Variants in SUSD1 observed in about 807,000 individuals in gnomAD.
The protein encoded by SUSD1 is sushi domain-containing protein 1.
SUSD1 carries 65 observed loss-of-function variants against 86.9 expected under a neutral mutation model. That is an observed-to-expected ratio of 0.75 (90% CI 0.61 to 0.92). SUSD1 has a LOEUF of 0.92. Among genes scored for constraint, SUSD1 ranks in the 40% least tolerant of loss-of-function variants. The pLI, the probability that SUSD1 is intolerant of heterozygous loss-of-function variation, is 0.00. For synonymous variants in SUSD1, 346 were observed against 350.0 expected (o/e 0.99, Z 0.13); for missense variants, 850 against 929.7 (o/e 0.91, Z 1.11).
At chr9:112,071,104 C>G (rs923920147) in intron 12 of SUSD1, among the ~76,000 whole-genome samples, 2 of 152,098 alleles carry the variant, frequency 1.3e-5, no homozygotes, top group African/African-American at 4.8e-5. Context: ...CTCTCCTCAG[C>G]CTCCTAGAGC....
intron 15 of SUSD1, chr9:112,052,052 G>T: frequency 2.1e-6 from 2 of 942,334 alleles, no homozygotes; most frequent in Non-Finnish European, 2.8e-6. Context: ...GCGGGAGCTT[G>T]CCATCACTCC....
chr9:112,122,455 C>G (rs555916417), intron 6 of SUSD1, among the ~76,000 whole-genome samples: 1 of 151,968 alleles, frequency 6.6e-6, no homozygotes, highest in Non-Finnish European at 1.5e-5. Context: ...CCACTGCACC[C>G]GGCTAATTTT....
chr9:112,142,368 T>C lies in SUSD1; in HGVS notation c.658A>G (p.Ser220Gly). The change falls in exon 5 of 17, where the codon AGC becomes GGC. Residue 220 changes from serine to glycine, a missense_variant. By Grantham distance (56) the Ser-to-Gly change is moderately conservative. Coordinates refer to ENST00000374270, the MANE Select transcript of SUSD1 (RefSeq NM_022486.5). ...TCCCATGTGCCCAGGCCTGTGCAGC[T>C]TGAAACTGTATCTTCTGGAACACTG... The part of the protein sequence containing the change: ...FFSVPEDTVS[S>G]CTGLGTWESP... 1.9e-6 allele frequency: 3 copies of C among 1,614,072 alleles called. No homozygotes were observed. The highest frequency in any genetic ancestry group is 2.5e-6 in the Non-Finnish European group (3 of 1,179,986).
chr9:112,165,949 G>GAA (rs1418229038), intron 1 of SUSD1, among the ~76,000 whole-genome samples: 1 of 142,328 alleles, frequency 7.0e-6, no homozygotes, highest in Non-Finnish European at 1.5e-5. Context: ...AAAGAAGAAA[G>GAA]AAAGAAAGAA....
At chr9:112,137,148 T>G (rs1230490359) in intron 5 of SUSD1, among the ~76,000 whole-genome samples, 1 of 152,118 alleles carries the variant, frequency 6.6e-6, no homozygotes, top group African/African-American at 2.4e-5. Flanking sequence ...TTACACACCT[T>G]AAAGAGCTGG....
chr9:112,095,834 C>T (rs1055583561), intron 10 of SUSD1, among the ~76,000 whole-genome samples: 2 of 152,098 alleles, frequency 1.3e-5, no homozygotes, highest in African/African-American at 4.8e-5. Flanking sequence ...GGGTGTCCTG[C>T]CCAGAAAGAA....
chr9:112,051,284 A>G (rs1828180390), intron 15 of SUSD1, among the ~76,000 whole-genome samples: 2 of 152,090 alleles, frequency 1.3e-5, no homozygotes, highest in Non-Finnish European at 2.9e-5. Context: ...TGCTATCCCC[A>G]GGATTCCTGG....
At position 112,175,107 on chromosome 9, in the gene SUSD1, C is replaced by G; in HGVS notation, c.103+26G>C. ...CCCAGCCGGGGGCCCCGCCGGCCGC[C>G]CGTGCCCGTCCCAGCCCGCACTCAC... On this transcript the variant is annotated intron_variant, in intron 1 of 16. Transcript: ENST00000374270. The surrounding 1 kb of genome is among the most constrained non-coding windows in gnomAD (Gnocchi z 4.7). 3.0e-6 allele frequency: 3 copies of G among 1,015,732 alleles called. No homozygotes were observed. The highest frequency in any genetic ancestry group is 3.5e-5 in the African/African-American group (2 of 57,518). The allele number at this position is 1,015,732 out of a possible 1,614,324, so 62.9% of individuals were successfully genotyped here. A position where few individuals can be genotyped will look rare whatever the true frequency, so the allele number is the denominator to read the frequency against.
chr9:112,080,934 G>A lies in SUSD1; in HGVS notation c.1475-769C>T, dbSNP rs553803467. ...GTTTTTCATGAGGAAAAGAATAGGAGGTGGCGGGATTCTCTTGGTTTGGGC... is the reference window on the plus strand; with the variant it reads ...GTTTTTCATGAGGAAAAGAATAGGAAGTGGCGGGATTCTCTTGGTTTGGGC... On this transcript the variant is annotated intron_variant, in intron 10 of 16. Coordinates refer to ENST00000374270, the MANE Select transcript of SUSD1 (RefSeq NM_022486.5). Among the ~76,000 whole-genome samples, 9 of 152,302 alleles carry A rather than the reference G, an allele frequency of 5.9e-5. No individual in the cohort carries two copies. The South Asian group carries it at 1.7e-3, about 28-fold the overall frequency.
intron 10 of SUSD1, among the ~76,000 whole-genome samples, chr9:112,086,743 C>T (rs182523161): frequency 4.0e-5 from 6 of 151,644 alleles, no homozygotes; most frequent in African/African-American, 1.5e-4. Context: ...GCAACAGAAG[C>T]GAGAGGGAAA....
intron 15 of SUSD1, among the ~76,000 whole-genome samples, chr9:112,046,804 A>G (rs1415501402): frequency 6.6e-6 from 1 of 152,252 alleles, no homozygotes; most frequent in Non-Finnish European, 1.5e-5. Flanking sequence ...TCAGAGCCAA[A>G]GATGGCAAAG....
chr9:112,147,111 T>C (rs1337925152), intron 3 of SUSD1, among the ~76,000 whole-genome samples: 1 of 152,228 alleles, frequency 6.6e-6, no homozygotes, highest in East Asian at 1.9e-4. Flanking sequence ...AAGTGACCCC[T>C]AGATTCCAGT....
chr9:112,094,763 G>T (rs1830328498), intron 10 of SUSD1, among the ~76,000 whole-genome samples: 1 of 152,216 alleles, frequency 6.6e-6, no homozygotes, highest in African/African-American at 2.4e-5. Context: ...TTTAAATAGG[G>T]GAGCGAGAAT....
At chr9:112,068,114 T>G (rs777093662) in intron 12 of SUSD1, among the ~76,000 whole-genome samples, 60 of 152,246 alleles carry the variant, frequency 3.9e-4, no homozygotes, top group Non-Finnish European at 1.0e-4. Flanking sequence ...TCTGGGAGCT[T>G]GGAGTGTAAT....
chr9:112,041,726 C>A lies in SUSD1; in HGVS notation c.2243+141G>T, dbSNP rs115518403. ...GGTACAGGGTTAGTCATGCCTTTCA[C>A]CGCTGAGTGTGCTCTGCTGAGCCAA... On this transcript the variant is annotated intron_variant, in intron 16 of 16. Coordinates refer to ENST00000374270, the MANE Select transcript of SUSD1 (RefSeq NM_022486.5). 1.7e-4 allele frequency: 136 copies of A among 786,576 alleles called. No homozygotes were observed. In the African/African-American group the frequency reaches 1.9e-3, roughly 11 times the overall value. 48.7% of individuals were successfully genotyped at this position (786,576 alleles called of 1,614,324 possible).
chr9:112,121,395 G>C (rs1033434622), intron 6 of SUSD1, among the ~76,000 whole-genome samples: 4 of 152,096 alleles, frequency 2.6e-5, no homozygotes, highest in Non-Finnish European at 5.9e-5. Context: ...GGAACACCTT[G>C]CTACTTGTAA....
intron 10 of SUSD1, among the ~76,000 whole-genome samples, chr9:112,082,744 G>T (rs1323675523): frequency 2.0e-5 from 3 of 151,980 alleles, no homozygotes; most frequent in Non-Finnish European, 4.4e-5. Context: ...TTGAGACAGG[G>T]TCCTGTTCTG....
intron 15 of SUSD1, among the ~76,000 whole-genome samples, chr9:112,051,505 C>T (rs566767384): frequency 4.1e-4 from 61 of 147,146 alleles, no homozygotes; most frequent in South Asian, 1.5e-3. Context: ...GATCTCGGCT[C>T]ACCGCAACCT....
chr9:112,065,796 G>A (rs1828950087), intron 12 of SUSD1, among the ~76,000 whole-genome samples: 1 of 152,188 alleles, frequency 6.6e-6, no homozygotes, highest in African/African-American at 2.4e-5. Context: ...TGTTAGGCCT[G>A]TTGAGGGAAT....
Sources: gnomAD v4.1 joint callset for allele counts (sites outside exome capture counted in the v4.1 genomes callset) on GRCh38, gnomAD v4.1.1 for gene constraint, Gnocchi (gnomAD v3.1) non-coding constraint, MANE v1.5 for transcripts, NCBI Gene and HGNC (gene_info 2026-07-23, HGNC 2026-07-21) for gene names.